SLC12A6: variants seen among roughly 807,000 people sequenced by gnomAD.
SLC12A6 encodes K-Cl cotransporter 3.
A neutral mutation model predicts 135.3 loss-of-function variants in SLC12A6; 66 were observed. That is an observed-to-expected ratio of 0.49 (90% CI 0.40 to 0.60). SLC12A6 has a LOEUF of 0.60. Ranked by LOEUF, SLC12A6 falls within the 20% of genes least tolerant of loss-of-function variation. The pLI is 0.00. For synonymous variants in SLC12A6, 513 were observed against 508.8 expected, an observed-to-expected ratio of 1.01 and a Z score of -0.11; for missense variants, 1,058 against 1,452.3, an observed-to-expected ratio of 0.73 and a Z score of 4.41.
In SLC12A6 at chr15:34,250,634, C is replaced by A; in HGVS notation, c.1588G>T (p.Val530Phe). 1.3e-6 allele frequency: 2 copies of A among 1,532,634 alleles called. No individual in the cohort carries two copies. Among genetic ancestry groups the A allele is most frequent in the Non-Finnish European group, 1.8e-6 (2 of 1,106,014 alleles). 94.9% of individuals were successfully genotyped at this position (1,532,634 alleles called of 1,614,324 possible). Residue 530 changes from valine to phenylalanine, a missense_variant, in exon 12 of 26, where the codon GTT (valine) becomes TTT (phenylalanine). Val to Phe is a conservative substitution (Grantham distance 50). This residue lies in a region of SLC12A6 where 297 missense variants were observed against 318.5 expected (regional missense o/e 0.93). Coordinates refer to ENST00000354181, the MANE Select transcript of SLC12A6 (RefSeq NM_001365088.1). The stretch of plus-strand genomic sequence containing the variant: ...ACTGGATCCATAAAAAGGATACAAA[C>A]AAAGGAGGTGGTCAGGATGGCAAGG... ...TILAILTTSF[V>F]YLSNVVLFGA... is the part of the protein sequence containing the mutation.
rs1258127567 is a variant in SLC12A6 at position 34,232,866 on chromosome 15, C to T, written c.*1015G>A. The T allele has an allele frequency of 1.3e-5, 2 of 151,064 alleles. No homozygotes were observed. The highest frequency in any genetic ancestry group is 2.9e-5 in the Non-Finnish European group (2 of 67,936). 9.4% of individuals were successfully genotyped at this position (151,064 alleles called of 1,614,324 possible). A position where few individuals can be genotyped will look rare whatever the true frequency, so the allele number is the denominator to read the frequency against. ...CTAGATGTGCCCTTTAAAAGATGGT[C>T]CAGTGCTTTCAGGGAAGGATGTTTA... On this transcript the variant is annotated 3_prime_UTR_variant, in exon 26 of 26. Coordinates refer to ENST00000354181, the MANE Select transcript of SLC12A6 (RefSeq NM_001365088.1).
At chr15:34,269,702 G>A (rs979031775) in intron 3 of SLC12A6, among the ~76,000 whole-genome samples, 2 of 152,102 alleles carry the variant, frequency 1.3e-5, no homozygotes, top group African/African-American at 4.8e-5. Context: ...GCATCCATGT[G>A]ATGCTGTTTA....
At chr15:34,245,610 G>A (rs1891927547) in intron 14 of SLC12A6, 83 bp downstream of exon 14, 5 of 1,240,370 alleles carry the variant, frequency 4.0e-6, no homozygotes, top group Non-Finnish European at 5.9e-6. Context: ...TTATGATCTA[G>A]TAATTTCTAA....
intron 2 of SLC12A6, among the ~76,000 whole-genome samples, chr15:34,329,540 GCCA>G (rs1196267823): frequency 6.6e-6 from 1 of 151,992 alleles, no homozygotes; most frequent in Non-Finnish European, 1.5e-5. Context: ...CTAGAAACAT[GCCA>G]CTGAGAACAA....
intron 2 of SLC12A6, among the ~76,000 whole-genome samples, chr15:34,281,979 C>A (rs575872341): frequency 1.3e-5 from 2 of 151,454 alleles, no homozygotes; most frequent in South Asian, 2.1e-4. Context: ...ATATATAGAG[C>A]CTACATATGC....
rs77122016 is a variant in SLC12A6 at position 34,254,454 on chromosome 15, G to C, written c.1012C>G (p.Arg338Gly). ...LMVLVVFIGVRYVNKFASLFL... is the reference protein window; with the variant it reads ...LMVLVVFIGVGYVNKFASLFL... ...AGTGAGGCAAACTTGTTCACATAGC[G>C]TACGCCGATAAATACCACTAATACC... is the stretch of plus-strand genomic sequence containing the variant. The change falls in exon 9 of 26, where the codon CGC (arginine) becomes GGC (glycine). Residue 338 changes from arginine (R) to glycine (G), a missense_variant. Arg to Gly is a moderately radical substitution (Grantham distance 125). Transcript: ENST00000354181. The C allele has an allele frequency of 1.2e-6, 2 of 1,613,764 alleles. No individual in the cohort carries two copies. Among genetic ancestry groups the C allele is most frequent in the Non-Finnish European group, 8.5e-7 (1 of 1,179,706 alleles).
chr15:34,258,561 C>T (rs79393761), intron 5 of SLC12A6, among the ~76,000 whole-genome samples: 50 of 152,252 alleles, frequency 3.3e-4, no homozygotes, highest in African/African-American at 1.1e-3. Context: ...ATTTTTTGCT[C>T]GGGAATTTAT....
chr15:34,297,834 T>C (rs1169095632), intron 2 of SLC12A6, among the ~76,000 whole-genome samples: 1 of 152,162 alleles, frequency 6.6e-6, no homozygotes, highest in African/African-American at 2.4e-5. Context: ...AAATTCTCTA[T>C]GTAGAAGTCT....
At position 34,245,304 on chromosome 15, in the gene SLC12A6, C is replaced by T; in HGVS notation, c.1924G>A (p.Val642Met). The change falls in exon 15 of 26, where the codon GTG becomes ATG. Residue 642 changes from valine to methionine, a missense_variant. Coordinates refer to ENST00000354181, the MANE Select transcript of SLC12A6 (RefSeq NM_001365088.1). ...TCTTACATGGAAAGAATTGGGGCCA[C>T]AAGATCCAGGGAGGCAATGAGTATT... Reference protein sequence around the residue: ...LGILIASLDLVAPILSMFFLM... With the variant: ...LGILIASLDLMAPILSMFFLM... 1 of 1,593,980 alleles carries T rather than the reference C, an allele frequency of 6.3e-7. No individual in the cohort carries two copies. Among genetic ancestry groups the T allele is most frequent in the Non-Finnish European group, 8.6e-7 (1 of 1,161,560 alleles).
At chr15:34,241,975 G>C in intron 17 of SLC12A6, 127 bp downstream of exon 17, 1 of 743,632 alleles carries the variant, frequency 1.3e-6, no homozygotes, top group Non-Finnish European at 2.4e-6. Flanking sequence ...TAAAGAATTA[G>C]GGGTACAAAA....
At chr15:34,316,877 G>C (rs779139061) in intron 2 of SLC12A6, among the ~76,000 whole-genome samples, 4 of 152,224 alleles carry the variant, frequency 2.6e-5, no homozygotes, top group Non-Finnish European at 4.4e-5. Flanking sequence ...ATGAGGTACA[G>C]ATGGACTTCG....
chr15:34,255,149 G>A (rs1892660912), intron 8 of SLC12A6, 113 bp downstream of exon 8: 10 of 907,130 alleles, frequency 1.1e-5, no homozygotes, highest in Non-Finnish European at 1.8e-5. Context: ...GACGTTGGCA[G>A]TCAATCACCT....
At chr15:34,252,872 C>T (rs2140740445) in intron 9 of SLC12A6, among the ~76,000 whole-genome samples, 1 of 152,296 alleles carries the variant, frequency 6.6e-6, no homozygotes, top group Non-Finnish European at 1.5e-5. Context: ...AAAAGCCTAA[C>T]ATTCATAACA....
At chr15:34,256,849 G>C (rs541993172) in intron 6 of SLC12A6, among the ~76,000 whole-genome samples, 5 of 152,294 alleles carry the variant, frequency 3.3e-5, no homozygotes, top group South Asian at 2.1e-4. Flanking sequence ...GAATAAAAAG[G>C]GCTGAGTGTA....
At chr15:34,321,118 G>A (rs1324097330) in intron 2 of SLC12A6, among the ~76,000 whole-genome samples, 1 of 152,076 alleles carries the variant, frequency 6.6e-6, no homozygotes, top group East Asian at 1.9e-4. Context: ...CATTGTAAGT[G>A]GTGAAACTCA....
At chr15:34,308,630 CAAAAAAAA>C in intron 2 of SLC12A6, among the ~76,000 whole-genome samples, 1 of 63,322 alleles carries the variant, frequency 1.6e-5, no homozygotes, top group East Asian at 6.2e-4. Flanking sequence ...GTCCACCTGA[CAAAAAAAA>C]AAAAAAAAAA....
At chr15:34,274,634 G>A (rs1894176398) in intron 3 of SLC12A6, among the ~76,000 whole-genome samples, 1 of 152,114 alleles carries the variant, frequency 6.6e-6, no homozygotes, top group Admixed American at 6.5e-5. Flanking sequence ...CCGACATGGT[G>A]AAACCCTGTC....
chr15:34,283,827 C>T (rs977534218), intron 2 of SLC12A6, among the ~76,000 whole-genome samples: 1 of 152,124 alleles, frequency 6.6e-6, no homozygotes, highest in Non-Finnish European at 1.5e-5. Context: ...GGGCTTACTA[C>T]AGCCTCAACC....
At chr15:34,317,051 A>G (rs79828130) in intron 2 of SLC12A6, among the ~76,000 whole-genome samples, 5,966 of 152,298 alleles carry the variant, frequency 0.039, 214 homozygotes, top group African/African-American at 0.098. Flanking sequence ...AAATAAATAC[A>G]CACAGGCCTG....
Sources: gnomAD v4.1 joint callset for allele counts (sites outside exome capture counted in the v4.1 genomes callset) on GRCh38, gnomAD v4.1.1 for gene constraint, gnomAD v4.1.1 regional missense constraint, MANE v1.5 for transcripts, NCBI Gene and HGNC (gene_info 2026-07-23, HGNC 2026-07-21) for gene names.